Variants in SLCO2A1 observed in about 807,000 individuals in gnomAD.
SLCO2A1 encodes the protein solute carrier organic anion transporter family member 2A1.
Under a neutral mutation model 71.7 loss-of-function variants are expected in SLCO2A1, and 60 were observed. The ratio of observed to expected loss-of-function variants is 0.84; its 90% CI spans 0.68 to 1.04. SLCO2A1 has a LOEUF of 1.04. Ranked by LOEUF, SLCO2A1 falls within the 50% of genes least tolerant of loss-of-function variation. The probability of loss-of-function intolerance (pLI) is 0.00; values close to 1 mark genes in which losing one functional copy is unlikely to be tolerated. For missense variants in SLCO2A1, 745 were observed against 813.4 expected (o/e 0.92, Z 1.02); for synonymous variants, 308 against 326.7 (o/e 0.94, Z 0.62).
intron 1 of SLCO2A1, among the ~76,000 whole-genome samples, 181 bp downstream of exon 1, chr3:134,029,514 ACACACACACGCT>A (rs1319377158): frequency 7.0e-6 from 1 of 142,270 alleles, no homozygotes; most frequent in Non-Finnish European, 1.5e-5. Flanking sequence ...ACACGCTCAC[ACACACACACGCT>A]CACACACACA....
At chr3:133,958,256 T>A (rs1169937237) in intron 3 of SLCO2A1, among the ~76,000 whole-genome samples, 1 of 152,212 alleles carries the variant, frequency 6.6e-6, no homozygotes, top group Admixed American at 6.5e-5. Flanking sequence ...CAGATTCCTA[T>A]GACCCTGAAT....
chr3:133,958,945 C>T (rs144723079), intron 3 of SLCO2A1, among the ~76,000 whole-genome samples: 13 of 152,184 alleles, frequency 8.5e-5, no homozygotes, highest in Non-Finnish European at 1.3e-4. Flanking sequence ...TCTCATAGGC[C>T]GTGGGGTGGC....
At chr3:134,015,442 T>A (rs1303279699) in intron 1 of SLCO2A1, among the ~76,000 whole-genome samples, 7 of 32,676 alleles carry the variant, frequency 2.1e-4, no homozygotes, top group South Asian at 1.2e-3. Flanking sequence ...GGGGGTGGGG[T>A]GGGAGGGGGG....
intron 3 of SLCO2A1, among the ~76,000 whole-genome samples, chr3:133,958,020 G>T (rs1427181788): frequency 6.6e-6 from 1 of 152,190 alleles, no homozygotes; most frequent in Non-Finnish European, 1.5e-5. Context: ...GCTCAGTGAT[G>T]CTGCAAGGGT....
chr3:134,010,239 C>A (rs1409714464), intron 1 of SLCO2A1, among the ~76,000 whole-genome samples: 4 of 152,176 alleles, frequency 2.6e-5, no homozygotes, highest in Non-Finnish European at 4.4e-5. Flanking sequence ...TAGTCCATTT[C>A]ACACTGCTAT....
chr3:134,015,321 G>C (rs965424569), intron 1 of SLCO2A1, among the ~76,000 whole-genome samples: 2 of 151,992 alleles, frequency 1.3e-5, no homozygotes, highest in African/African-American at 2.4e-5. Context: ...ATTATGCTAA[G>C]TGAAATAAGA....
Position 134,022,065 on chromosome 3 carries a change from G to GA in SLCO2A1, c.96+7641dup, listed in dbSNP as rs111423575. On this transcript the variant is annotated intron_variant, in intron 1 of 13. Transcript: ENST00000310926. ...TCACCAGTTCAGAAGTATCCTAAAG[G>GA]AAAAAAAAAAAAAGAAAAAAAGAGG... is the stretch of plus-strand genomic sequence containing the variant. 9.8e-3 allele frequency among the ~76,000 whole-genome samples: 1,228 copies of GA among 125,546 alleles called. 24 individuals carry two copies. The highest frequency in any genetic ancestry group is 0.031 in the African/African-American group (1,068 of 34,494). 82.4% of individuals were successfully genotyped at this position (125,546 alleles called of 152,430 possible). A position where few individuals can be genotyped will look rare whatever the true frequency, so the allele number is the denominator to read the frequency against.
At chr3:133,957,457 A>C (rs1933924923) in intron 3 of SLCO2A1, among the ~76,000 whole-genome samples, 1 of 152,194 alleles carries the variant, frequency 6.6e-6, no homozygotes, top group African/African-American at 2.4e-5. Context: ...ATACCTAAGT[A>C]GCTGGTTTGG....
At chr3:134,022,727 A>G (rs1192797880) in intron 1 of SLCO2A1, among the ~76,000 whole-genome samples, 3 of 152,220 alleles carry the variant, frequency 2.0e-5, no homozygotes, top group African/African-American at 7.2e-5. Flanking sequence ...TATAAAGGTA[A>G]AATTTAGCTT....
At chr3:133,971,109 G>A (rs1934310714) in intron 3 of SLCO2A1, among the ~76,000 whole-genome samples, 1 of 152,230 alleles carries the variant, frequency 6.6e-6, no homozygotes, top group Admixed American at 6.5e-5. Flanking sequence ...ACGATGTGTG[G>A]CGCCTGGCAG....
Position 133,934,772 on chromosome 3 carries a change from T to G in SLCO2A1, c.1873A>C (p.Ser625Arg). The change falls in exon 14 of 14, where the codon AGC (serine) becomes CGC (arginine). Residue 625 changes from serine (S) to arginine (R), a missense_variant. Coordinates refer to ENST00000310926, the MANE Select transcript of SLCO2A1 (RefSeq NM_005630.3). ...ALGMLLLCFI[S>R]WRVKKNKEYN... ...TCCTTGTTCTTCTTCACCCTCCAGC[T>G]GATGAAGCAAAGCAGCAGCATGCCC... is the stretch of plus-strand genomic sequence containing the variant. The G allele has an allele frequency of 1.2e-6, 2 of 1,613,238 alleles. No homozygotes were observed. Among genetic ancestry groups the G allele is most frequent in the Non-Finnish European group, 8.5e-7 (1 of 1,179,992 alleles).
At chr3:134,012,848 T>TC (rs2108075441) in intron 1 of SLCO2A1, among the ~76,000 whole-genome samples, 1 of 152,098 alleles carries the variant, frequency 6.6e-6, no homozygotes, top group South Asian at 2.1e-4. Flanking sequence ...CCTCGGCACT[T>TC]CCCCTGCACC....
intron 3 of SLCO2A1, among the ~76,000 whole-genome samples, chr3:133,959,135 G>A (rs1357089043): frequency 6.6e-6 from 1 of 152,190 alleles, no homozygotes; most frequent in African/African-American, 2.4e-5. Flanking sequence ...CAGGGGAAAA[G>A]GAGAACGCGG....
At chr3:133,992,812 C>T (rs535631396) in intron 1 of SLCO2A1, among the ~76,000 whole-genome samples, 2 of 152,350 alleles carry the variant, frequency 1.3e-5, no homozygotes, top group East Asian at 3.9e-4. Flanking sequence ...AGCTCCCCTT[C>T]CAGCTGAGCC....
chr3:134,001,434 A>G (rs1035141356), intron 1 of SLCO2A1, among the ~76,000 whole-genome samples: 2 of 152,010 alleles, frequency 1.3e-5, no homozygotes, highest in Non-Finnish European at 2.9e-5. Flanking sequence ...AGATGGGAGG[A>G]GTCTGCTTTA....
intron 3 of SLCO2A1, among the ~76,000 whole-genome samples, chr3:133,971,913 G>A (rs1934336522): frequency 6.6e-6 from 1 of 152,132 alleles, no homozygotes; most frequent in Non-Finnish European, 1.5e-5. Flanking sequence ...CCACTCTGTA[G>A]GGCTATTTCC....
At chr3:133,999,503 C>T (rs1935056007) in intron 1 of SLCO2A1, among the ~76,000 whole-genome samples, 1 of 152,210 alleles carries the variant, frequency 6.6e-6, no homozygotes, top group African/African-American at 2.4e-5. Flanking sequence ...TCCCCCAGCC[C>T]CCCAGGGGCA....
intron 3 of SLCO2A1, among the ~76,000 whole-genome samples, chr3:133,965,438 A>G (rs1397455654): frequency 1.3e-5 from 2 of 152,168 alleles, no homozygotes; most frequent in Non-Finnish European, 2.9e-5. Flanking sequence ...GACTTTGGAG[A>G]AAGAAGGAAA....
At chr3:134,019,014 C>T (rs2108078215) in intron 1 of SLCO2A1, among the ~76,000 whole-genome samples, 1 of 152,314 alleles carries the variant, frequency 6.6e-6, no homozygotes, top group East Asian at 1.9e-4. Flanking sequence ...TGGGAGCATC[C>T]ACCTGAAGCC....
Sources: gnomAD v4.1 joint callset for allele counts (sites outside exome capture counted in the v4.1 genomes callset) on GRCh38, gnomAD v4.1.1 for gene constraint, MANE v1.5 for transcripts, NCBI Gene and HGNC (gene_info 2026-07-23, HGNC 2026-07-21) for gene names.